NCAM2: variants seen among roughly 807,000 people sequenced by gnomAD.
The protein encoded by NCAM2 is N-CAM-2.
Under a neutral mutation model 98.1 loss-of-function variants are expected in NCAM2, and 30 were observed. That is an observed-to-expected ratio of 0.31 (90% confidence interval 0.23 to 0.41). The LOEUF is 0.41. Ranked by LOEUF, NCAM2 falls within the 10% of genes least tolerant of loss-of-function variation. The pLI, the probability that NCAM2 is intolerant of heterozygous loss-of-function variation, is 1.00. For missense variants in NCAM2, 867 were observed against 1,005.8 expected, an observed-to-expected ratio of 0.86 and a Z score of 1.87; for synonymous variants, 368 against 342.4, an observed-to-expected ratio of 1.07 and a Z score of -0.83.
At chr21:21,207,873 A>C (rs1331915906) in intron 1 of NCAM2, among the ~76,000 whole-genome samples, 5 of 152,184 alleles carry the variant, frequency 3.3e-5, no homozygotes, top group Non-Finnish European at 7.4e-5. Context: ...TATCAGGGCA[A>C]TACAGATGCT....
chr21:21,156,200 G>C lies in NCAM2; in HGVS notation c.56-124378G>C, dbSNP rs193096816. ...AGCATGCTTGTTCTGTAGTATTTCT[G>C]TCTCATTATAAAGAATGAAGCATTT... is the stretch of plus-strand genomic sequence containing the variant. On this transcript the variant is annotated intron_variant, in intron 1 of 17. Coordinates refer to ENST00000400546, the MANE Select transcript of NCAM2 (RefSeq NM_004540.5). 2.6e-4 allele frequency among the ~76,000 whole-genome samples: 39 copies of C among 151,950 alleles called. No individual in the cohort carries two copies. In the East Asian group the frequency reaches 3.9e-3, roughly 15 times the overall value.
chr21:21,467,390 A>G (rs1315012202), intron 13 of NCAM2, among the ~76,000 whole-genome samples: 2 of 118,254 alleles, frequency 1.7e-5, no homozygotes, highest in Non-Finnish European at 3.9e-5. Flanking sequence ...CTTTATATAT[A>G]TATATATATC....
intron 1 of NCAM2, among the ~76,000 whole-genome samples, chr21:21,091,236 A>C (rs959220327): frequency 6.6e-6 from 1 of 152,046 alleles, no homozygotes; most frequent in African/African-American, 2.4e-5. Context: ...ATTGAAGGTG[A>C]TTTTATTATG....
intron 12 of NCAM2, among the ~76,000 whole-genome samples, chr21:21,448,695 A>G (rs940100321): frequency 3.9e-5 from 6 of 152,188 alleles, no homozygotes; most frequent in African/African-American, 1.4e-4. Context: ...TCATTTCTAA[A>G]TGACTATATT....
At chr21:21,183,579 A>G (rs2068546796) in intron 1 of NCAM2, among the ~76,000 whole-genome samples, 1 of 152,180 alleles carries the variant, frequency 6.6e-6, no homozygotes, top group Non-Finnish European at 1.5e-5. Flanking sequence ...TGGCCATGGC[A>G]GTACTTGGCA....
At chr21:21,165,530 T>C (rs2067923012) in intron 1 of NCAM2, among the ~76,000 whole-genome samples, 1 of 152,136 alleles carries the variant, frequency 6.6e-6, no homozygotes, top group South Asian at 2.1e-4. Flanking sequence ...CGCATACTCT[T>C]ACCAGGGAGA....
At chr21:21,335,707 G>C (rs762670572) in intron 7 of NCAM2, 42 bp downstream of exon 7, 5 of 1,428,108 alleles carry the variant, frequency 3.5e-6, no homozygotes, top group Admixed American at 5.0e-5. Flanking sequence ...TATGTCTATT[G>C]GAAGATCAGA....
chr21:21,537,249 T>G (rs28456181), intron 17 of NCAM2, among the ~76,000 whole-genome samples: 94,721 of 151,668 alleles, frequency 0.62, 30,074 homozygotes, highest in Admixed American at 0.7. Flanking sequence ...GTTTCACCGT[T>G]TTGGCCAGGC....
intron 8 of NCAM2, among the ~76,000 whole-genome samples, chr21:21,358,803 T>G (rs894549981): frequency 6.6e-6 from 1 of 152,052 alleles, no homozygotes; most frequent in African/African-American, 2.4e-5. Flanking sequence ...CATCCCCTTA[T>G]TCTGTAAGTC....
intron 5 of NCAM2, among the ~76,000 whole-genome samples, chr21:21,315,974 C>A (rs117915233): frequency 6.6e-6 from 1 of 151,988 alleles, no homozygotes; most frequent in Non-Finnish European, 1.5e-5. Context: ...ATGATCAGAG[C>A]CTTATTTAAA....
intron 1 of NCAM2, among the ~76,000 whole-genome samples, chr21:21,117,190 A>T (rs2066580531): frequency 6.6e-6 from 1 of 152,168 alleles, no homozygotes; most frequent in Non-Finnish European, 1.5e-5. Context: ...CTGAAAGTTT[A>T]TACCTTTTGA....
At chr21:21,339,489 A>G (rs1468825546) in intron 8 of NCAM2, among the ~76,000 whole-genome samples, 1 of 152,046 alleles carries the variant, frequency 6.6e-6, no homozygotes, top group Non-Finnish European at 1.5e-5. Context: ...TATTGAAATG[A>G]TAGAACTGGC....
chr21:21,334,068 G>C (rs951079642), intron 6 of NCAM2, among the ~76,000 whole-genome samples: 1 of 152,032 alleles, frequency 6.6e-6, no homozygotes, highest in Non-Finnish European at 1.5e-5. Flanking sequence ...GAGTAGCTGG[G>C]ATTACAGGCG....
chr21:21,342,258 C>A (rs1038092318), intron 8 of NCAM2, among the ~76,000 whole-genome samples: 1 of 152,152 alleles, frequency 6.6e-6, no homozygotes, highest in African/African-American at 2.4e-5. Context: ...ATGGCACAAA[C>A]CAATAATTTT....
chr21:21,325,111 A>T (rs147057145), intron 6 of NCAM2, among the ~76,000 whole-genome samples: 5 of 152,192 alleles, frequency 3.3e-5, no homozygotes, highest in African/African-American at 1.2e-4. Context: ...CCATTCTTTT[A>T]GATTGTGTCT....
At chr21:21,101,497 G>T (rs901597132) in intron 1 of NCAM2, among the ~76,000 whole-genome samples, 1 of 152,000 alleles carries the variant, frequency 6.6e-6, no homozygotes, top group Admixed American at 6.6e-5. Context: ...TAAGTAACTG[G>T]TTTTCTGCCC....
At chr21:21,370,157 T>G (rs2075883266) in intron 8 of NCAM2, among the ~76,000 whole-genome samples, 1 of 151,828 alleles carries the variant, frequency 6.6e-6, no homozygotes, top group African/African-American at 2.4e-5. Context: ...CATAAATACC[T>G]ACGAGAAACT....
chr21:21,376,018 C>T (rs1003913375), intron 9 of NCAM2, among the ~76,000 whole-genome samples: 2 of 151,562 alleles, frequency 1.3e-5, no homozygotes, highest in African/African-American at 2.4e-5. Flanking sequence ...CAGAGTGGCT[C>T]GTACAAGATA....
chr21:21,537,245 C>T (rs992885226), intron 17 of NCAM2, among the ~76,000 whole-genome samples: 5 of 152,002 alleles, frequency 3.3e-5, no homozygotes, highest in African/African-American at 1.2e-4. Context: ...CCTGGTTTCA[C>T]CGTTTTGGCC....
Sources: gnomAD v4.1 joint callset for allele counts (sites outside exome capture counted in the v4.1 genomes callset) on GRCh38, gnomAD v4.1.1 for gene constraint, MANE v1.5 for transcripts, NCBI Gene and HGNC (gene_info 2026-07-23, HGNC 2026-07-21) for gene names.